CLINT1: variants seen among roughly 807,000 people sequenced by gnomAD.
CLINT1 encodes the protein clathrin interacting protein localized in the trans-Golgi region.
CLINT1 carries 15 observed loss-of-function variants against 70.4 expected under a neutral mutation model. That is an observed-to-expected ratio of 0.21 (90% CI 0.14 to 0.33). The LOEUF (loss-of-function observed/expected upper bound fraction) is 0.33, where lower values mean the gene tolerates loss of function less well. Ranked by LOEUF, CLINT1 falls within the 10% of genes least tolerant of loss-of-function variation. The pLI, the probability that CLINT1 is intolerant of heterozygous loss-of-function variation, is 1.00. For missense variants in CLINT1, 615 were observed against 778.1 expected, an observed-to-expected ratio of 0.79 and a Z score of 2.49; for synonymous variants, 227 against 254.7, an observed-to-expected ratio of 0.89 and a Z score of 1.04.
chr5:157,842,918 A>ATT (rs1753239447), intron 1 of CLINT1, among the ~76,000 whole-genome samples: 1 of 152,150 alleles, frequency 6.6e-6, no homozygotes, highest in Non-Finnish European at 1.5e-5. Flanking sequence ...TGCACAGCTT[A>ATT]TTTGCTCTTT....
intron 8 of CLINT1, among the ~76,000 whole-genome samples, chr5:157,798,446 G>A (rs1762124875): frequency 6.6e-6 from 1 of 151,994 alleles, no homozygotes; most frequent in Non-Finnish European, 1.5e-5. Context: ...TTGTGAACAA[G>A]AAAATACAGG....
intron 8 of CLINT1, 58 bp from the exon 9 acceptor site, chr5:157,795,030 C>T: frequency 1.4e-6 from 2 of 1,412,814 alleles, no homozygotes; most frequent in African/African-American, 2.8e-5. Context: ...TAAATAATTT[C>T]TGGAGGCCAT....
At chr5:157,851,439 A>G (rs774574272) in intron 1 of CLINT1, among the ~76,000 whole-genome samples, 2 of 152,160 alleles carry the variant, frequency 1.3e-5, no homozygotes, top group East Asian at 3.8e-4. Context: ...CTGCAATTCC[A>G]GCATTTTGGG....
intron 8 of CLINT1, among the ~76,000 whole-genome samples, chr5:157,796,906 A>C (rs1212490295): frequency 1.3e-5 from 2 of 149,610 alleles, no homozygotes; most frequent in South Asian, 2.1e-4. Context: ...ATATATATAT[A>C]TCTCCTCACT....
chr5:157,841,334 G>T (rs934228474), intron 1 of CLINT1, among the ~76,000 whole-genome samples: 1 of 151,626 alleles, frequency 6.6e-6, no homozygotes, highest in Admixed American at 6.5e-5. Flanking sequence ...GGGAGGCCGA[G>T]GTGGGCAGAC....
chr5:157,830,825 T>C (rs957446629), intron 1 of CLINT1, among the ~76,000 whole-genome samples: 6 of 139,862 alleles, frequency 4.3e-5, no homozygotes, highest in Non-Finnish European at 9.2e-5. Flanking sequence ...TAGAAACACA[T>C]TTAAGCCTGG....
intron 1 of CLINT1, among the ~76,000 whole-genome samples, chr5:157,823,146 T>A (rs1206559043): frequency 1.3e-5 from 2 of 152,198 alleles, no homozygotes; most frequent in Non-Finnish European, 2.9e-5. Context: ...CTAAATGTGT[T>A]CTGACGTACG....
intron 3 of CLINT1, among the ~76,000 whole-genome samples, chr5:157,815,002 C>T (rs906711876): frequency 3.4e-5 from 5 of 148,456 alleles, no homozygotes; most frequent in South Asian, 2.1e-4. Context: ...CACTGCACTC[C>T]AGCCTCGGCG....
At chr5:157,846,911 C>A (rs956850928) in intron 1 of CLINT1, among the ~76,000 whole-genome samples, 24 of 152,196 alleles carry the variant, frequency 1.6e-4, no homozygotes, top group Admixed American at 4.6e-4. Context: ...TATTTTAAGC[C>A]CACTGTTGAG....
intron 8 of CLINT1, among the ~76,000 whole-genome samples, chr5:157,798,367 T>C (rs1762122895): frequency 6.6e-6 from 1 of 152,206 alleles, no homozygotes; most frequent in Non-Finnish European, 1.5e-5. Flanking sequence ...ACCACTTCCA[T>C]CTGCCTTTCC....
chr5:157,828,573 G>GT (rs1763111636), intron 1 of CLINT1, among the ~76,000 whole-genome samples: 2 of 152,142 alleles, frequency 1.3e-5, no homozygotes, highest in Non-Finnish European at 2.9e-5. Context: ...AATAACTAGA[G>GT]TGGGTTGAAG....
chr5:157,799,332 T>A (rs1189065115), intron 8 of CLINT1, among the ~76,000 whole-genome samples: 2 of 152,290 alleles, frequency 1.3e-5, no homozygotes, highest in African/African-American at 4.8e-5. Flanking sequence ...CATGTTCATG[T>A]AAATGTCTTC....
At chr5:157,855,063 G>C (rs1049487280) in intron 1 of CLINT1, among the ~76,000 whole-genome samples, 2 of 148,540 alleles carry the variant, frequency 1.3e-5, no homozygotes, top group African/African-American at 4.9e-5. Flanking sequence ...AGAATCATTT[G>C]AACCCGGGAG....
At chr5:157,793,912 ATGAG>A (rs1761990077) in intron 9 of CLINT1, among the ~76,000 whole-genome samples, 1 of 152,130 alleles carries the variant, frequency 6.6e-6, no homozygotes, top group Non-Finnish European at 1.5e-5. Context: ...GTGACTTGTG[ATGAG>A]TAACAACACT....
At chr5:157,836,213 T>TA (rs1763417986) in intron 1 of CLINT1, among the ~76,000 whole-genome samples, 1 of 152,218 alleles carries the variant, frequency 6.6e-6, no homozygotes, top group African/African-American at 2.4e-5. Flanking sequence ...GGCCAGGCAT[T>TA]GTCCTAAGCC....
At chr5:157,822,248 A>C (rs1450087092) in intron 1 of CLINT1, among the ~76,000 whole-genome samples, 1 of 151,364 alleles carries the variant, frequency 6.6e-6, no homozygotes, top group Admixed American at 6.6e-5. Flanking sequence ...TCTAGGGTAC[A>C]TGTGCACAAC....
intron 4 of CLINT1, 137 bp downstream of exon 4, chr5:157,814,048 G>C: frequency 1.6e-6 from 1 of 636,388 alleles, no homozygotes. Flanking sequence ...AGGGCCCCAC[G>C]TCTTGGATTC....
chr5:157,803,154 T>C (rs1057495344), intron 8 of CLINT1, among the ~76,000 whole-genome samples: 3 of 152,252 alleles, frequency 2.0e-5, no homozygotes, highest in African/African-American at 4.8e-5. Context: ...ACCTTTTGCT[T>C]ATAAAGAAAG....
chr5:157,787,915 C>G lies in CLINT1; in HGVS notation c.1609G>C (p.Val537Leu), dbSNP rs1046493613. ...NLSSPSNMLP[V>L]RPQTNALIGG... ...ATCAAAGCATTAGTTTGGGGCCGGA[C>G]AGGAAGCATGTTCGATGGAGAACTG... Residue 537 changes from valine (V) to leucine (L), a missense_variant, in exon 12 of 12, where the codon GTC (valine) becomes CTC (leucine). Around this residue, in one of 2 missense-constraint regions of CLINT1, gnomAD observed 374 missense variants for 409.6 expected, o/e 0.91. Coordinates refer to ENST00000411809, the MANE Select transcript of CLINT1 (RefSeq NM_014666.4). 5 of 1,613,336 alleles carry G rather than the reference C, an allele frequency of 3.1e-6. No homozygotes were observed. The African/African-American group carries it at 4.0e-5, about 13-fold the overall frequency.
Sources: allele counts gnomAD v4.1 joint callset (sites outside exome capture counted in the v4.1 genomes callset), GRCh38; gene constraint gnomAD v4.1.1; regional missense constraint gnomAD v4.1.1; transcripts MANE v1.5; gene names NCBI Gene and HGNC (gene_info 2026-07-23, HGNC 2026-07-21).